DCTN2: variants seen among roughly 807,000 people sequenced by gnomAD.
The protein encoded by DCTN2 is 50 kDa dynein-associated polypeptide.
In DCTN2, 18 loss-of-function variants were observed where a neutral mutation model predicts 55.4. That is an observed-to-expected ratio of 0.32 (90% CI 0.22 to 0.48). DCTN2 has a LOEUF of 0.48. DCTN2 is among the 20% of genes least tolerant of loss of function. The pLI is 0.99. For synonymous variants in DCTN2, 168 were observed against 185.2 expected, an observed-to-expected ratio of 0.91 and a Z score of 0.76; for missense variants, 390 against 491.0, an observed-to-expected ratio of 0.79 and a Z score of 1.94.
intron 2 of DCTN2, among the ~76,000 whole-genome samples, chr12:57,536,525 G>C (rs1565680067): frequency 6.6e-6 from 1 of 152,196 alleles, no homozygotes; most frequent in East Asian, 1.9e-4. Context: ...TGCTTGCCAA[G>C]AGTATCCATG....
At chr12:57,545,724 G>A (rs1881094742) in intron 2 of DCTN2, among the ~76,000 whole-genome samples, 1 of 152,070 alleles carries the variant, frequency 6.6e-6, no homozygotes, top group Admixed American at 6.6e-5. Context: ...TAGAACCCAG[G>A]GGCCTAAGTC....
At position 57,534,023 on chromosome 12, in the gene DCTN2, G is replaced by C; in HGVS notation, c.599C>G (p.Pro200Arg). ...GSGGKTTGTP[P>R]DSSLVTYELH... Reference sequence around the variant, plus strand: ...TTCATAAGTGACAAGGCTGCTATCTGGGGGGGTCCCAGTGGTTTTTCCCCC... The same window carrying C: ...TTCATAAGTGACAAGGCTGCTATCTCGGGGGGTCCCAGTGGTTTTTCCCCC... The change falls in exon 7 of 14, where the codon CCA becomes CGA. Residue 200 changes from proline to arginine, a missense_variant. By Grantham distance (103) the Pro-to-Arg change is moderately radical (BLOSUM62 -2). Around this residue, in one of 2 missense-constraint regions of DCTN2, gnomAD observed 273 missense variants for 303.2 expected, o/e 0.90. Transcript: ENST00000548249. 6.2e-7 allele frequency: 1 copy of C among 1,612,618 alleles called. No homozygotes were observed. Among genetic ancestry groups the C allele is most frequent in the Non-Finnish European group, 8.5e-7 (1 of 1,179,306 alleles).
chr12:57,541,219 A>T, intron 2 of DCTN2: 1 of 824,430 alleles, frequency 1.2e-6, no homozygotes, highest in Non-Finnish European at 1.9e-6. Flanking sequence ...CTTTAAACAT[A>T]AGGCCAGCAG....
chr12:57,535,204 C>A (rs1272251520), intron 4 of DCTN2, 50 bp from the exon 5 acceptor site: 1 of 1,465,980 alleles, frequency 6.8e-7, no homozygotes, highest in East Asian at 2.3e-5. Flanking sequence ...TACAGGGAGC[C>A]TCAAGAATTC....
At chr12:57,539,862 A>G (rs1148553) in intron 2 of DCTN2, among the ~76,000 whole-genome samples, 27,256 of 152,038 alleles carry the variant, frequency 0.18, 2,624 homozygotes, top group East Asian at 0.26. Flanking sequence ...CCCCATCTCT[A>G]CTAAAAATAC....
chr12:57,531,945 C>G, intron 13 of DCTN2, 70 bp downstream of exon 13: 1 of 1,549,692 alleles, frequency 6.5e-7, no homozygotes, highest in Admixed American at 2.0e-5. Context: ...AAGGCAGAAC[C>G]CTATAACACT....
At chr12:57,543,965 G>A in intron 2 of DCTN2, 1 of 477,790 alleles carries the variant, frequency 2.1e-6, no homozygotes, top group South Asian at 1.6e-5. Flanking sequence ...TGGAATGGGT[G>A]TCATCTCCTT....
chr12:57,530,832 A>G, intron 13 of DCTN2, 57 bp from the exon 14 acceptor site: 1 of 1,347,932 alleles, frequency 7.4e-7, no homozygotes, highest in Middle Eastern at 1.8e-4. Context: ...TAACTGGATG[A>G]GGACCTGAAG....
chr12:57,546,148 A>G, intron 1 of DCTN2, 52 bp from the exon 2 acceptor site: 1 of 1,518,830 alleles, frequency 6.6e-7, no homozygotes, highest in Non-Finnish European at 9.1e-7. Flanking sequence ...ATCCAACAAC[A>G]CCCCTTCCCC....
intron 13 of DCTN2, among the ~76,000 whole-genome samples, chr12:57,530,982 G>A (rs1188844776): frequency 3.9e-5 from 6 of 152,156 alleles, no homozygotes; most frequent in Non-Finnish European, 7.4e-5. Context: ...TAGGACTCGA[G>A]AATTCCCATC....
At position 57,532,075 on chromosome 12, in the gene DCTN2, C is replaced by A. The variant is rs777131202; in HGVS notation, c.1059G>T (p.Leu353Phe). 6.4e-7 allele frequency: 1 copy of A among 1,564,570 alleles called. No homozygotes were observed. The highest frequency in any genetic ancestry group is 2.4e-5 in the East Asian group (1 of 42,362). Reference protein sequence around the residue: ...AMQFGQLLTHLDTTQQMIANS... With the variant: ...AMQFGQLLTHFDTTQQMIANS... ...TAGCAATCATCTGCTGGGTGGTATC[C>A]AAGTGTGTCAGGAGCTGACCAAACT... is the stretch of plus-strand genomic sequence containing the variant. Residue 353 changes from leucine (L) to phenylalanine (F), a missense_variant, in exon 13 of 14, where the codon TTG becomes TTT. Transcript: ENST00000548249.
Position 57,535,758 on chromosome 12 carries a change from T to C in DCTN2, c.193A>G (p.Lys65Glu), listed in dbSNP as rs1257426823. ...TCCAGCCCAGTCTCACCAAGTCCCTTTGTCCCCACTCTCTTGTCCTTGAAC... is the reference window on the plus strand; with the variant it reads ...TCCAGCCCAGTCTCACCAAGTCCCTCTGTCCCCACTCTCTTGTCCTTGAAC... ...DKFKDKRVGTKGLDFSDRIGK... is the reference protein window; with the variant it reads ...DKFKDKRVGTEGLDFSDRIGK... Residue 65 changes from lysine to glutamate, a missense_variant, in exon 3 of 14, where the codon AAG (lysine) becomes GAG (glutamate). Transcript: ENST00000548249. 6.2e-7 allele frequency: 1 copy of C among 1,613,710 alleles called. No individual in the cohort carries two copies. Among genetic ancestry groups the C allele is most frequent in the Non-Finnish European group, 8.5e-7 (1 of 1,179,614 alleles).
intron 5 of DCTN2, among the ~76,000 whole-genome samples, chr12:57,534,756 C>T (rs1880082682): frequency 6.6e-6 from 1 of 152,168 alleles, no homozygotes; most frequent in African/African-American, 2.4e-5. Flanking sequence ...CAACCTCCGC[C>T]TCCGAGTTCA....
chr12:57,541,002 T>TA (rs1565682633), intron 2 of DCTN2, among the ~76,000 whole-genome samples: 1 of 152,252 alleles, frequency 6.6e-6, no homozygotes, highest in East Asian at 1.9e-4. Context: ...AGTCATTCCA[T>TA]AAAAAAATCT....
intron 2 of DCTN2, among the ~76,000 whole-genome samples, chr12:57,537,809 A>G (rs1565680762): frequency 6.6e-6 from 1 of 152,168 alleles, no homozygotes; most frequent in Non-Finnish European, 1.5e-5. Context: ...CTGTTCTGAA[A>G]TGTTACGGCC....
chr12:57,544,604 C>T (rs773615014), intron 2 of DCTN2, among the ~76,000 whole-genome samples: 11 of 151,878 alleles, frequency 7.2e-5, no homozygotes, highest in African/African-American at 1.7e-4. Context: ...TTAGTAGAGA[C>T]GGGGTCTCAA....
chr12:57,542,954 C>A (rs1293867933), intron 2 of DCTN2: 2 of 456,028 alleles, frequency 4.4e-6, no homozygotes, highest in Non-Finnish European at 8.8e-6. Context: ...ACCCTTGAAT[C>A]CTCTGTTCCC....
chr12:57,538,641 A>G (rs1880445904), intron 2 of DCTN2: 2 of 681,764 alleles, frequency 2.9e-6, no homozygotes, highest in Non-Finnish European at 5.4e-6. Flanking sequence ...TGTCACATGC[A>G]CTACATGACA....
At chr12:57,538,473 C>T in intron 2 of DCTN2, 1 of 757,948 alleles carries the variant, frequency 1.3e-6, no homozygotes, top group South Asian at 1.4e-5. Context: ...AACTGCTCAT[C>T]ATAGCACACC....
Sources: gnomAD v4.1 joint callset for allele counts (sites outside exome capture counted in the v4.1 genomes callset) on GRCh38, gnomAD v4.1.1 for gene constraint, gnomAD v4.1.1 regional missense constraint, MANE v1.5 for transcripts, NCBI Gene and HGNC (gene_info 2026-07-23, HGNC 2026-07-21) for gene names.